Variants in GALNT17 observed in about 807,000 individuals in gnomAD.
The protein encoded by GALNT17 is polypeptide N-acetylgalactosaminyltransferase 17.
Under a neutral mutation model 63.7 loss-of-function variants are expected in GALNT17, and 29 were observed. The ratio of observed to expected loss-of-function variants is 0.46; its 90% CI spans 0.34 to 0.62. The LOEUF (loss-of-function observed/expected upper bound fraction) is 0.62, where lower values mean the gene tolerates loss of function less well. Ranked by LOEUF, GALNT17 falls within the 20% of genes least tolerant of loss-of-function variation. The pLI is 0.01. For synonymous variants in GALNT17, 305 were observed against 318.3 expected, an observed-to-expected ratio of 0.96 and a Z score of 0.45; for missense variants, 603 against 799.6, an observed-to-expected ratio of 0.75 and a Z score of 2.97.
chr7:71,400,229 T>G (rs1793215937), intron 3 of GALNT17, among the ~76,000 whole-genome samples: 1 of 152,120 alleles, frequency 6.6e-6, no homozygotes, highest in African/African-American at 2.4e-5. Flanking sequence ...CAACTCTCCC[T>G]TATGAGTGAG....
intron 1 of GALNT17, among the ~76,000 whole-genome samples, chr7:71,259,649 T>TTG (rs1249424952): frequency 6.8e-6 from 1 of 148,040 alleles, no homozygotes; most frequent in African/African-American, 2.5e-5. Flanking sequence ...TTTTTTTGTT[T>TTG]TTTTTTTTTT....
intron 1 of GALNT17, among the ~76,000 whole-genome samples, chr7:71,292,189 A>G (rs1273136665): frequency 1.3e-5 from 2 of 152,208 alleles, no homozygotes; most frequent in African/African-American, 2.4e-5. Flanking sequence ...AAGTCTAGAA[A>G]GCATTCCTAG....
intron 1 of GALNT17, among the ~76,000 whole-genome samples, chr7:71,142,306 C>A (rs1787929324): frequency 6.6e-6 from 1 of 152,146 alleles, no homozygotes; most frequent in African/African-American, 2.4e-5. Context: ...TTGGACTCTT[C>A]AGACTACTTT....
chr7:71,249,507 A>G (rs1370539798), intron 1 of GALNT17, among the ~76,000 whole-genome samples: 1 of 152,244 alleles, frequency 6.6e-6, no homozygotes, highest in African/African-American at 2.4e-5. Flanking sequence ...GATGATGAAG[A>G]TGAAATAAGC....
At chr7:71,299,456 G>A (rs1791153881) in intron 1 of GALNT17, among the ~76,000 whole-genome samples, 1 of 152,170 alleles carries the variant, frequency 6.6e-6, no homozygotes, top group African/African-American at 2.4e-5. Flanking sequence ...GGAAACCGAG[G>A]CTGATGCAGA....
intron 1 of GALNT17, among the ~76,000 whole-genome samples, chr7:71,166,164 G>A (rs1788437672): frequency 6.6e-6 from 1 of 152,246 alleles, no homozygotes; most frequent in African/African-American, 2.4e-5. Flanking sequence ...GGCGCTCAAT[G>A]TAGAGCAGCC....
intron 1 of GALNT17, among the ~76,000 whole-genome samples, chr7:71,158,665 C>T (rs1039429657): frequency 2.0e-5 from 3 of 151,776 alleles, no homozygotes; most frequent in Non-Finnish European, 2.9e-5. Context: ...CAAGCTCCAC[C>T]TCCCGGGTTC....
chr7:71,599,719 C>A (rs1789938201), intron 6 of GALNT17, among the ~76,000 whole-genome samples: 2 of 151,464 alleles, frequency 1.3e-5, no homozygotes, highest in Non-Finnish European at 2.9e-5. Context: ...CACAGGATAC[C>A]CCCCCCACCC....
chr7:71,431,605 T>C (rs1312481079), intron 5 of GALNT17, among the ~76,000 whole-genome samples: 1 of 152,138 alleles, frequency 6.6e-6, no homozygotes. Flanking sequence ...GAAGTGGAGC[T>C]GGGATTCGGA....
chr7:71,260,566 T>C (rs908518962), intron 1 of GALNT17, among the ~76,000 whole-genome samples: 1 of 152,048 alleles, frequency 6.6e-6, no homozygotes, highest in African/African-American at 2.4e-5. Context: ...CCAGGAGTTT[T>C]ACTCCTTGAG....
chr7:71,538,816 A>G (rs2116799522), intron 5 of GALNT17, among the ~76,000 whole-genome samples: 1 of 151,640 alleles, frequency 6.6e-6, no homozygotes, highest in Admixed American at 6.6e-5. Flanking sequence ...GGAAGGAGGG[A>G]AGGACGGACA....
At chr7:71,309,978 C>T (rs370155786) in intron 1 of GALNT17, among the ~76,000 whole-genome samples, 1 of 152,046 alleles carries the variant, frequency 6.6e-6, no homozygotes, top group Non-Finnish European at 1.5e-5. Context: ...ATGCTGTTCT[C>T]GTGATAGCGA....
intron 6 of GALNT17, among the ~76,000 whole-genome samples, chr7:71,639,905 C>A (rs1284740678): frequency 3.3e-5 from 5 of 152,084 alleles, no homozygotes; most frequent in Non-Finnish European, 5.9e-5. Context: ...AGATCGCAGC[C>A]CATGAATATA....
intron 5 of GALNT17, among the ~76,000 whole-genome samples, chr7:71,537,476 G>A (rs1191315069): frequency 6.6e-6 from 1 of 152,136 alleles, no homozygotes; most frequent in African/African-American, 2.4e-5. Context: ...GAGCATCTGA[G>A]ATTGTTTATG....
chr7:71,148,193 T>C (rs990721336), intron 1 of GALNT17, among the ~76,000 whole-genome samples: 1 of 152,218 alleles, frequency 6.6e-6, no homozygotes, highest in Non-Finnish European at 1.5e-5. Flanking sequence ...TTGTTCTCAC[T>C]TCACAAGTCC....
intron 5 of GALNT17, among the ~76,000 whole-genome samples, chr7:71,499,975 A>G (rs1788154741): frequency 6.6e-6 from 1 of 152,158 alleles, no homozygotes; most frequent in African/African-American, 2.4e-5. Context: ...TTCTCCTGCT[A>G]TCCTGTGAAG....
chr7:71,469,043 A>G (rs1787584784), intron 5 of GALNT17, among the ~76,000 whole-genome samples: 1 of 152,060 alleles, frequency 6.6e-6, no homozygotes, highest in South Asian at 2.1e-4. Context: ...GATGGTAGAG[A>G]GCACGGTGTT....
chr7:71,448,655 A>G (rs1269772036), intron 5 of GALNT17, among the ~76,000 whole-genome samples: 1 of 152,104 alleles, frequency 6.6e-6, no homozygotes, highest in Non-Finnish European at 1.5e-5. Flanking sequence ...GAGACTGTGA[A>G]TGTCATTTTT....
At chr7:71,199,028 C>T (rs1334482067) in intron 1 of GALNT17, among the ~76,000 whole-genome samples, 1 of 152,082 alleles carries the variant, frequency 6.6e-6, no homozygotes, top group Non-Finnish European at 1.5e-5. Flanking sequence ...ACTGTTAGTC[C>T]TGGATAATAC....
Sources: gnomAD v4.1 joint callset for allele counts (sites outside exome capture counted in the v4.1 genomes callset) on GRCh38, gnomAD v4.1.1 for gene constraint, MANE v1.5 for transcripts, NCBI Gene and HGNC (gene_info 2026-07-23, HGNC 2026-07-21) for gene names.